DDC: variants seen among roughly 807,000 people sequenced by gnomAD.
The protein encoded by DDC is dopa decarboxylase.
A neutral mutation model predicts 60.0 loss-of-function variants in DDC; 43 were observed. That is an observed-to-expected ratio of 0.72 (90% CI 0.56 to 0.92). DDC has a LOEUF of 0.92. DDC is among the 40% of genes least tolerant of loss of function. The pLI, the probability that DDC is intolerant of heterozygous loss-of-function variation, is 0.00. For missense variants in DDC, 573 were observed against 620.2 expected (o/e 0.92, Z 0.81); for synonymous variants, 232 against 234.6 (o/e 0.99, Z 0.10).
intron 6 of DDC, among the ~76,000 whole-genome samples, chr7:50,508,887 G>T (rs1247624218): frequency 6.6e-6 from 1 of 152,096 alleles, no homozygotes; most frequent in Non-Finnish European, 1.5e-5. Context: ...GCATTTCCTG[G>T]AATGTCCTGT....
At chr7:50,458,965 T>A (rs2042185399) in intron 14 of DDC, 122 bp from the exon 15 acceptor site, 1 of 143,630 alleles carries the variant, frequency 7.0e-6, no homozygotes, top group African/African-American at 2.7e-5. Flanking sequence ...CTCCCCACGG[T>A]CTCCCTCTCC....
intron 1 of DDC, among the ~76,000 whole-genome samples, chr7:50,550,574 AGCTT>A (rs1171330061): frequency 6.6e-6 from 1 of 152,214 alleles, no homozygotes; most frequent in African/African-American, 2.4e-5. Flanking sequence ...CATGTGGCCA[AGCTT>A]GGTTTTATAC....
intron 1 of DDC, among the ~76,000 whole-genome samples, chr7:50,562,655 G>A (rs1453769166): frequency 6.6e-6 from 1 of 152,220 alleles, no homozygotes; most frequent in Non-Finnish European, 1.5e-5. Context: ...GAGCTTGGGG[G>A]CTGCAGTGGG....
chr7:50,497,724 G>T (rs1204976658), intron 8 of DDC, among the ~76,000 whole-genome samples: 2 of 152,140 alleles, frequency 1.3e-5, no homozygotes, highest in African/African-American at 4.8e-5. Context: ...GCGTACATAG[G>T]TCTTTGGAAG....
intron 9 of DDC, among the ~76,000 whole-genome samples, chr7:50,492,318 T>A (rs1224863235): frequency 1.8e-4 from 27 of 152,222 alleles, no homozygotes; most frequent in Non-Finnish European, 1.5e-5. Flanking sequence ...AAGATCAGAT[T>A]TCATCTATCA....
chr7:50,537,819 C>A, intron 4 of DDC, 41 bp downstream of exon 4: 1 of 1,613,552 alleles, frequency 6.2e-7, no homozygotes, highest in Non-Finnish European at 8.5e-7. Context: ...CTGTGCAGAG[C>A]CCATGCATCC....
intron 6 of DDC, among the ~76,000 whole-genome samples, chr7:50,516,532 A>G (rs1190851934): frequency 6.6e-6 from 1 of 152,132 alleles, no homozygotes; most frequent in Non-Finnish European, 1.5e-5. Context: ...AGAAACAAGA[A>G]AAAAATGAAA....
At chr7:50,479,748 G>A (rs1201270304) in intron 10 of DDC, 39 bp downstream of exon 10, 3 of 1,581,594 alleles carry the variant, frequency 1.9e-6, no homozygotes, top group East Asian at 4.5e-5. Context: ...AGGGGAACAA[G>A]ACCAGAAACA....
intron 7 of DDC, 82 bp from the exon 8 acceptor site, chr7:50,499,324 A>T: frequency 1.1e-6 from 1 of 899,320 alleles, no homozygotes; most frequent in Non-Finnish European, 1.8e-6. Context: ...CTGTCTGAGC[A>T]CCTTCTTGGG....
chr7:50,505,060 CG>C (rs1195400876), intron 6 of DDC, among the ~76,000 whole-genome samples: 1 of 152,170 alleles, frequency 6.6e-6, no homozygotes, highest in East Asian at 1.9e-4. Flanking sequence ...CCAGAAAATA[CG>C]GGCTGGGAGT....
At chr7:50,462,160 G>C (rs1274305603) in intron 14 of DDC, among the ~76,000 whole-genome samples, 1 of 135,208 alleles carries the variant, frequency 7.4e-6, no homozygotes, top group Non-Finnish European at 1.5e-5. Context: ...AGGATAGGGA[G>C]AGAGAGAAAG....
intron 13 of DDC, among the ~76,000 whole-genome samples, chr7:50,466,706 C>T (rs2042406891): frequency 6.6e-6 from 1 of 152,120 alleles, no homozygotes; most frequent in Non-Finnish European, 1.5e-5. Context: ...CAGCATCAGG[C>T]AGCAAAATAA....
Position 50,543,270 on chromosome 7 carries a change from G to A in DDC, c.201+615C>T, listed in dbSNP as rs116602399. The A allele has an allele frequency of 4.9e-3, 796 of 161,674 alleles. 4 individuals are homozygous for A. The highest frequency in any genetic ancestry group is 0.018 in the African/African-American group (753 of 41,676). The allele number at this position is 161,674 out of a possible 1,614,324, so 10.0% of individuals were successfully genotyped here. On this transcript the variant is annotated intron_variant, in intron 2 of 14. Coordinates refer to ENST00000444124, the MANE Select transcript of DDC (RefSeq NM_001082971.2). ...GGCAGAGAAAATCTACTGTGGAAGC[G>A]TAAAGCTGAAGGGAAGTTTCTCTGA... is the stretch of plus-strand genomic sequence containing the variant.
At chr7:50,472,099 TC>T (rs934883622) in intron 11 of DDC, among the ~76,000 whole-genome samples, 6 of 152,114 alleles carry the variant, frequency 3.9e-5, no homozygotes, top group Non-Finnish European at 7.4e-5. Flanking sequence ...CGATGCACTG[TC>T]CCCTCCCCCA....
intron 6 of DDC, among the ~76,000 whole-genome samples, chr7:50,516,516 A>T (rs189183114): frequency 6.6e-6 from 1 of 152,282 alleles, no homozygotes; most frequent in African/African-American, 2.4e-5. Flanking sequence ...CACCTCAAGG[A>T]ACTAGAGAAA....
chr7:50,513,119 C>T (rs959714132), intron 6 of DDC, among the ~76,000 whole-genome samples: 9 of 152,322 alleles, frequency 5.9e-5, no homozygotes, highest in African/African-American at 9.6e-5. Context: ...AAGTGAAATG[C>T]TCCTGCAGGT....
chr7:50,544,028 A>C lies in DDC; in HGVS notation c.58T>G (p.Tyr20Asp), dbSNP rs1307434776. 1 of 1,614,192 alleles carries C rather than the reference A, an allele frequency of 6.2e-7. No individual in the cohort carries two copies. ...TGGCGTCCCTCAATGCCTTCCATGT[A>C]GTTGGCCATGTAATCCACCATCTCC... ...GKEMVDYMAN[Y>D]MEGIEGRQVY... The change falls in exon 2 of 15, where the codon TAC becomes GAC. Residue 20 changes from tyrosine to aspartate, a missense_variant. Coordinates refer to ENST00000444124, the MANE Select transcript of DDC (RefSeq NM_001082971.2).
chr7:50,554,593 T>C (rs2045119139), intron 1 of DDC, among the ~76,000 whole-genome samples: 1 of 152,204 alleles, frequency 6.6e-6, no homozygotes. Flanking sequence ...GCTGGGTTTT[T>C]TTAGCTTACA....
intron 6 of DDC, among the ~76,000 whole-genome samples, chr7:50,525,139 G>A (rs181327810): frequency 5.8e-4 from 88 of 152,348 alleles, no homozygotes; most frequent in South Asian, 4.8e-3. Flanking sequence ...TGACAAGAGT[G>A]TAGAGGTAGA....
Sources: gnomAD v4.1 joint callset for allele counts (sites outside exome capture counted in the v4.1 genomes callset) on GRCh38, gnomAD v4.1.1 for gene constraint, MANE v1.5 for transcripts, NCBI Gene and HGNC (gene_info 2026-07-23, HGNC 2026-07-21) for gene names.